Variants in HECW1 observed in about 807,000 individuals in gnomAD.
The protein encoded by HECW1 is E3 ubiquitin-protein ligase HECW1.
HECW1 carries 61 observed loss-of-function variants against 182.3 expected under a neutral mutation model. The observed-to-expected ratio is 0.33, with a 90% CI of 0.27 to 0.41. The LOEUF is 0.41. HECW1 is among the 10% of genes least tolerant of loss of function. HECW1 has a pLI of 1.00. For synonymous variants in HECW1, 859 were observed against 832.6 expected, an observed-to-expected ratio of 1.03 and a Z score of -0.55; for missense variants, 1,739 against 2,108.9, an observed-to-expected ratio of 0.82 and a Z score of 3.44.
intron 22 of HECW1, 21 bp from the exon 23 acceptor site, chr7:43,507,997 A>G: frequency 6.3e-7 from 1 of 1,581,814 alleles, no homozygotes. Context: ...GCCACTGCTC[A>G]CCACCCCTTC....
intron 21 of HECW1, among the ~76,000 whole-genome samples, chr7:43,502,909 T>G (rs1304519234): frequency 6.6e-6 from 1 of 152,122 alleles, no homozygotes; most frequent in Non-Finnish European, 1.5e-5. Context: ...GTGGTAAAAT[T>G]CCCAAGAGAA....
chr7:43,473,251 TCACCAGA>T (rs1238743054), intron 16 of HECW1, among the ~76,000 whole-genome samples: 1 of 152,212 alleles, frequency 6.6e-6, no homozygotes, highest in Non-Finnish European at 1.5e-5. Flanking sequence ...CCTGGGGCTT[TCACCAGA>T]CACCCAGTCT....
chr7:43,336,124 T>TTCTTTCTCTCTCTCTCTCTC (rs1313057919), intron 5 of HECW1, among the ~76,000 whole-genome samples: 8 of 64,246 alleles, frequency 1.2e-4, no homozygotes, highest in African/African-American at 5.1e-4. Context: ...CTTTCTTTCT[T>TTCTTTCTCTCTCTCTCTCTC]TCTCTCTCTC....
At chr7:43,419,843 C>T (rs191883981) in intron 8 of HECW1, among the ~76,000 whole-genome samples, 19 of 152,232 alleles carry the variant, frequency 1.2e-4, no homozygotes, top group Admixed American at 9.2e-4. Flanking sequence ...GAGAGTACGC[C>T]GAACAAAGGA....
chr7:43,545,722 T>C (rs1214259242), intron 26 of HECW1, among the ~76,000 whole-genome samples: 1 of 152,050 alleles, frequency 6.6e-6, no homozygotes, highest in Admixed American at 6.6e-5. Context: ...AAATATATTT[T>C]CTATTCATTG....
chr7:43,455,047 T>C (rs951601318), intron 12 of HECW1, among the ~76,000 whole-genome samples: 3 of 152,246 alleles, frequency 2.0e-5, no homozygotes, highest in Admixed American at 2.0e-4. Flanking sequence ...TGCTTCCAGC[T>C]CTTTTCCACC....
chr7:43,481,206 A>G (rs901275138), intron 17 of HECW1, among the ~76,000 whole-genome samples: 1 of 152,196 alleles, frequency 6.6e-6, no homozygotes, highest in Non-Finnish European at 1.5e-5. Flanking sequence ...TCCCAGTTCA[A>G]CATGCGTAGT....
intron 5 of HECW1, among the ~76,000 whole-genome samples, chr7:43,348,861 T>C (rs1814023617): frequency 6.6e-6 from 1 of 152,210 alleles, no homozygotes; most frequent in African/African-American, 2.4e-5. Flanking sequence ...CATTACACTG[T>C]GGTCTGAGAG....
At chr7:43,445,703 T>C in intron 11 of HECW1, 133 bp downstream of exon 11, 1 of 1,085,782 alleles carries the variant, frequency 9.2e-7, no homozygotes, top group African/African-American at 1.6e-5. Flanking sequence ...GCCTGTCTTG[T>C]ATATACATGT....
chr7:43,546,003 A>G (rs1451392518), intron 26 of HECW1, among the ~76,000 whole-genome samples: 1 of 152,172 alleles, frequency 6.6e-6, no homozygotes, highest in Non-Finnish European at 1.5e-5. Context: ...AAAGAAGTCA[A>G]AAGCAGTCAA....
At chr7:43,186,898 C>T (rs539073349) in intron 2 of HECW1, among the ~76,000 whole-genome samples, 6 of 152,178 alleles carry the variant, frequency 3.9e-5, no homozygotes, top group Non-Finnish European at 7.3e-5. Flanking sequence ...TTTAAGTACA[C>T]TCTGGGATGT....
chr7:43,173,260 A>G (rs545395136), intron 2 of HECW1, among the ~76,000 whole-genome samples: 99 of 49,208 alleles, frequency 2.0e-3, no homozygotes, highest in South Asian at 0.017. Context: ...GCCACTTTGC[A>G]TGGCTAAGCA....
At chr7:43,213,030 C>T (rs148906332) in intron 2 of HECW1, among the ~76,000 whole-genome samples, 352 of 150,720 alleles carry the variant, frequency 2.3e-3, no homozygotes, top group African/African-American at 7.4e-3. Context: ...TCAGTAAAAG[C>T]GTAATGAAAT....
At chr7:43,321,542 TCTC>T (rs1376016756) in intron 5 of HECW1, among the ~76,000 whole-genome samples, 8 of 152,174 alleles carry the variant, frequency 5.3e-5, no homozygotes, top group Non-Finnish European at 1.0e-4. Flanking sequence ...CACAGCTCCT[TCTC>T]CTCCACTTGG....
intron 2 of HECW1, among the ~76,000 whole-genome samples, chr7:43,198,365 GCT>G (rs1383036978): frequency 7.8e-6 from 1 of 127,592 alleles, no homozygotes; most frequent in Non-Finnish European, 1.7e-5. Flanking sequence ...CACACCCCAC[GCT>G]CTCACACACA....
intron 24 of HECW1, chr7:43,510,160 C>G (rs2152929574): frequency 6.6e-6 from 1 of 152,344 alleles, no homozygotes; most frequent in South Asian, 2.1e-4. Flanking sequence ...GCAGACAAGT[C>G]ACCGTGGACG....
chr7:43,125,713 G>A (rs546086235), intron 2 of HECW1, among the ~76,000 whole-genome samples: 5 of 142,134 alleles, frequency 3.5e-5, no homozygotes, highest in Admixed American at 7.5e-5. Context: ...AGCCGAGATC[G>A]TGCCACTGCA....
chr7:43,448,694 A>G (rs1221353831), intron 11 of HECW1, among the ~76,000 whole-genome samples: 1 of 152,236 alleles, frequency 6.6e-6, no homozygotes, highest in Non-Finnish European at 1.5e-5. Context: ...TGTACTTTAT[A>G]ATTCAAGGGA....
intron 6 of HECW1, among the ~76,000 whole-genome samples, chr7:43,380,660 G>A (rs2074509319): frequency 6.6e-6 from 1 of 151,952 alleles, no homozygotes; most frequent in African/African-American, 2.4e-5. Flanking sequence ...CCAAGTAGCT[G>A]GGATTACAGG....
Sources: allele counts gnomAD v4.1 joint callset (sites outside exome capture counted in the v4.1 genomes callset), GRCh38; gene constraint gnomAD v4.1.1; transcripts MANE v1.5; gene names NCBI Gene and HGNC (gene_info 2026-07-23, HGNC 2026-07-21).